The following ETAA1 variants were observed in gnomAD, a reference collection of about 807,000 sequenced individuals.
The protein encoded by ETAA1 is ewing's tumor-associated antigen 1.
In ETAA1, 49 loss-of-function variants were observed where a neutral mutation model predicts 76.8. That is an observed-to-expected ratio of 0.64 (90% CI 0.51 to 0.81). The LOEUF (loss-of-function observed/expected upper bound fraction) is 0.81, where lower values mean the gene tolerates loss of function less well. ETAA1 is among the 30% of genes least tolerant of loss of function. ETAA1 has a pLI of 0.00. For missense variants in ETAA1, 1,099 were observed against 1,074.0 expected (o/e 1.02, Z -0.32); for synonymous variants, 373 against 372.2 (o/e 1.00, Z -0.03).
In ETAA1 at chr2:67,409,916, G is replaced by A; in HGVS notation, c.2659G>A (p.Glu887Lys). Reference protein sequence around the residue: ...ESLKQSSKEEEEKNRKCSPEE... With the variant: ...ESLKQSSKEEKEKNRKCSPEE... Reference sequence around the variant, plus strand: ...ATCTTTTGTTGAATTTTTAGAGGAAGAAGAGAAAAATAGAAAGTGTTCTCC... The same window carrying A: ...ATCTTTTGTTGAATTTTTAGAGGAAAAAGAGAAAAATAGAAAGTGTTCTCC... Residue 887 changes from glutamate to lysine, a missense_variant, in exon 6 of 6, where the codon GAA (glutamate) becomes AAA (lysine). This residue lies in a region of ETAA1 where 302 missense variants were observed against 278.1 expected (regional missense o/e 1.09). Coordinates refer to ENST00000272342, the MANE Select transcript of ETAA1 (RefSeq NM_019002.4). The A allele has an allele frequency of 6.3e-7, 1 of 1,590,634 alleles. No homozygotes were observed. Among genetic ancestry groups the A allele is most frequent in the East Asian group, 2.3e-5 (1 of 44,206 alleles).
At position 67,410,114 on chromosome 2, in the gene ETAA1, T is replaced by G; in HGVS notation, c.*76T>G. On this transcript the variant is annotated 3_prime_UTR_variant, in exon 6 of 6. Coordinates refer to ENST00000272342, the MANE Select transcript of ETAA1 (RefSeq NM_019002.4). ...TTGATAGGAAATTTTTTTTCTTGAT[T>G]TCTCTGTGAGAAATGTAATGCTGAC... 7.2e-7 allele frequency: 1 copy of G among 1,382,518 alleles called. No homozygotes were observed. The highest frequency in any genetic ancestry group is 9.9e-7 in the Non-Finnish European group (1 of 1,007,774). 85.6% of individuals were successfully genotyped at this position (1,382,518 alleles called of 1,614,324 possible).
chr2:67,408,122 T>C (rs926444853), intron 5 of ETAA1, among the ~76,000 whole-genome samples: 3 of 152,158 alleles, frequency 2.0e-5, no homozygotes, highest in African/African-American at 7.2e-5. Context: ...TTAACTTTGT[T>C]GATGTTTTCT....
At chr2:67,398,564 C>G (rs999556235) in intron 1 of ETAA1, among the ~76,000 whole-genome samples, 3 of 151,926 alleles carry the variant, frequency 2.0e-5, no homozygotes, top group Admixed American at 6.6e-5. Flanking sequence ...TCTCGATTTC[C>G]TGACCTCGTG....
chr2:67,403,564 C>A lies in ETAA1; in HGVS notation c.882C>A (p.Ser294Arg). The A allele has an allele frequency of 6.2e-7, 1 of 1,613,320 alleles. No individual in the cohort carries two copies. The highest frequency in any genetic ancestry group is 1.3e-5 in the African/African-American group (1 of 75,014). ...AIFDGSTQKC[S>R]GQLSQELPEA... ...TTGATGGTTCTACTCAGAAATGTAGCGGACAGTTAAGCCAAGAACTGCCAG... is the reference window on the plus strand; with the variant it reads ...TTGATGGTTCTACTCAGAAATGTAGAGGACAGTTAAGCCAAGAACTGCCAG... Residue 294 changes from serine (S) to arginine (R), a missense_variant, in exon 5 of 6, where the codon AGC becomes AGA. Physicochemically the swap from Ser to Arg is moderately radical, Grantham distance 110 (BLOSUM62 -1). This residue lies in a region of ETAA1 where 761 missense variants were observed against 731.9 expected (regional missense o/e 1.04). Transcript: ENST00000272342.
At chr2:67,402,637 T>C (rs546337404) in intron 3 of ETAA1, 33 of 249,346 alleles carry the variant, frequency 1.3e-4, no homozygotes, top group Middle Eastern at 1.1e-3. Flanking sequence ...TAATTCTGAA[T>C]GTTTTCATTC....
chr2:67,400,798 A>T (rs914464173), intron 3 of ETAA1: 3 of 152,192 alleles, frequency 2.0e-5, no homozygotes, highest in African/African-American at 7.2e-5. Context: ...CCCAGGTGGA[A>T]GAGACAGAAA....
chr2:67,407,826 A>G (rs1183684824), intron 5 of ETAA1, among the ~76,000 whole-genome samples: 2 of 152,140 alleles, frequency 1.3e-5, no homozygotes, highest in East Asian at 1.9e-4. Flanking sequence ...CTTCATGTCT[A>G]GTAGGCCGAG....
At chr2:67,405,563 C>T (rs1401303722) in intron 5 of ETAA1, among the ~76,000 whole-genome samples, 2 of 151,908 alleles carry the variant, frequency 1.3e-5, no homozygotes, top group Non-Finnish European at 2.9e-5. Flanking sequence ...TCTTTCCCAG[C>T]ACTTAATACA....
rs1461661364 is a variant in ETAA1, at chr2:67,397,419, G to C, written c.-30G>C. 1 of 1,563,386 alleles carries C rather than the reference G, an allele frequency of 6.4e-7. No individual in the cohort carries two copies. Among genetic ancestry groups the C allele is most frequent in the Non-Finnish European group, 8.7e-7 (1 of 1,152,682 alleles). On this transcript the variant is annotated 5_prime_UTR_variant, in exon 1 of 6. Transcript: ENST00000272342. ...CATCCCTTTGCAAAATGTGAAAGAAGAAGCGGCTGGTGGAGGCGGGCCATA... is the reference window on the plus strand; with the variant it reads ...CATCCCTTTGCAAAATGTGAAAGAACAAGCGGCTGGTGGAGGCGGGCCATA...
At position 67,397,361 on chromosome 2, in the gene ETAA1, G is replaced by A. The variant is rs1675899415; in HGVS notation, c.-88G>A. 7.3e-6 allele frequency: 10 copies of A among 1,371,430 alleles called. No homozygotes were observed. The allele number at this position is 1,371,430 out of a possible 1,614,324, so 85.0% of individuals were successfully genotyped here. On this transcript the variant is annotated 5_prime_UTR_variant, in exon 1 of 6. Transcript: ENST00000272342. ...GACCAAAATGGCGGCTGCCGTTGGT[G>A]CGGGGTGCGGTTTGTAGTGCTGTTG...
chr2:67,406,658 C>T (rs1676227828), intron 5 of ETAA1, among the ~76,000 whole-genome samples: 1 of 151,820 alleles, frequency 6.6e-6, no homozygotes, highest in Non-Finnish European at 1.5e-5. Flanking sequence ...TACGGAAAAC[C>T]ACTATTAATA....
chr2:67,400,285 G>A (rs902126632), intron 3 of ETAA1: 3 of 152,064 alleles, frequency 2.0e-5, no homozygotes, highest in East Asian at 1.9e-4. Context: ...GTAAGGTTAC[G>A]TTAAGGTTGT....
At chr2:67,400,300 G>C (rs1028052929) in intron 3 of ETAA1, 12 of 152,124 alleles carry the variant, frequency 7.9e-5, no homozygotes, top group African/African-American at 2.2e-4. Flanking sequence ...GGTTGTTACT[G>C]TAATAGAACC....
rs573281500 is a variant in ETAA1, at chr2:67,398,427, C to T, written c.224-742C>T. ...CTCGGCTCACTGCAACCTCCGCCTC[C>T]CGGGTTCAAGCGATTCTCCTGCCTC... On this transcript the variant is annotated intron_variant, in intron 1 of 5. Coordinates refer to ENST00000272342, the MANE Select transcript of ETAA1 (RefSeq NM_019002.4). 5.3e-5 allele frequency among the ~76,000 whole-genome samples: 8 copies of T among 151,896 alleles called. 1 individual carries two copies. The South Asian group carries it at 1.7e-3, about 32-fold the overall frequency.
Position 67,404,021 on chromosome 2 carries a change from C to G in ETAA1, c.1339C>G (p.Leu447Val). 6.2e-7 allele frequency: 1 copy of G among 1,607,402 alleles called. No individual in the cohort carries two copies. The highest frequency in any genetic ancestry group is 8.5e-7 in the Non-Finnish European group (1 of 1,177,600). Residue 447 changes from leucine to valine, a missense_variant, in exon 5 of 6, where the codon CTT (leucine) becomes GTT (valine). By Grantham distance (32) the Leu-to-Val change is conservative. Coordinates refer to ENST00000272342, the MANE Select transcript of ETAA1 (RefSeq NM_019002.4). ...AGGAGATTCAAAAGTATTACAAGAT[C>G]TTTCTTCAAAGACATATGACAGAGA... is the stretch of plus-strand genomic sequence containing the variant. The part of the protein sequence containing the change: ...RLGDSKVLQD[L>V]SSKTYDRELI...
chr2:67,402,256 C>T (rs749487658), intron 3 of ETAA1: 20 of 151,798 alleles, frequency 1.3e-4, no homozygotes, highest in Non-Finnish European at 2.4e-4. Context: ...TCTGTTTTCT[C>T]TATTTTTTTA....
chr2:67,407,322 A>G (rs557809767), intron 5 of ETAA1, among the ~76,000 whole-genome samples: 20 of 151,998 alleles, frequency 1.3e-4, no homozygotes, highest in Middle Eastern at 3.4e-3. Context: ...GTTGGGCTGC[A>G]TTCAAAGCCA....
rs747673578 is a variant in ETAA1 at position 67,404,543 on chromosome 2, A to T, written c.1861A>T (p.Thr621Ser). 6.2e-7 allele frequency: 1 copy of T among 1,613,488 alleles called. No homozygotes were observed. Among genetic ancestry groups the T allele is most frequent in the Admixed American group, 1.7e-5 (1 of 59,992 alleles). The change falls in exon 5 of 6, where the codon ACT (threonine) becomes TCT (serine). Residue 621 changes from threonine (T) to serine (S), a missense_variant. Around this residue, in one of 3 missense-constraint regions of ETAA1, gnomAD observed 761 missense variants for 731.9 expected, o/e 1.04. Coordinates refer to ENST00000272342, the MANE Select transcript of ETAA1 (RefSeq NM_019002.4). ...AGCATGTGATGATATTGAAAGACTA[A>T]CTCAGCAACAAGACATTAGAAAGGA... ...YQACDDIERL[T>S]QQQDIRKDSK...
rs548210735 is a variant in ETAA1, at chr2:67,409,366, A to G, written c.2654-545A>G. Among the ~76,000 whole-genome samples the G allele has an allele frequency of 1.8e-4, 27 of 152,152 alleles. No individual in the cohort carries two copies. In the South Asian group the frequency reaches 3.9e-3, roughly 22 times the overall value. ...GTGAATCACAGGTAACCAGTTTGAC[A>G]TGACAGATTTCATTTTATCACTCTA... is the stretch of plus-strand genomic sequence containing the variant. On this transcript the variant is annotated intron_variant, in intron 5 of 5. Coordinates refer to ENST00000272342, the MANE Select transcript of ETAA1 (RefSeq NM_019002.4).
Sources: gnomAD v4.1 joint callset for allele counts (sites outside exome capture counted in the v4.1 genomes callset) on GRCh38, gnomAD v4.1.1 for gene constraint, gnomAD v4.1.1 regional missense constraint, MANE v1.5 for transcripts, NCBI Gene and HGNC (gene_info 2026-07-23, HGNC 2026-07-21) for gene names.